Variants in SLIT3 observed in about 807,000 individuals in gnomAD.
SLIT3 encodes slit guidance ligand 3.
In SLIT3, 68 loss-of-function variants were observed where a neutral mutation model predicts 184.0. The ratio of observed to expected loss-of-function variants is 0.37; its 90% CI spans 0.30 to 0.45. The LOEUF (loss-of-function observed/expected upper bound fraction) is 0.45. Among genes scored for constraint, SLIT3 ranks in the 20% least tolerant of loss-of-function variants. SLIT3 has a pLI of 1.00. For missense variants in SLIT3, 1,707 were observed against 2,026.0 expected (o/e 0.84, Z 3.02); for synonymous variants, 831 against 828.6 (o/e 1.00, Z -0.05).
chr5:168,945,796 G>A (rs559161968), intron 4 of SLIT3, among the ~76,000 whole-genome samples: 8 of 152,304 alleles, frequency 5.3e-5, no homozygotes, highest in South Asian at 4.2e-4. Flanking sequence ...GGCAGCCAGC[G>A]TCTTAGGGAA....
intron 4 of SLIT3, among the ~76,000 whole-genome samples, chr5:168,971,677 T>C (rs1484159162): frequency 6.6e-6 from 1 of 152,184 alleles, no homozygotes; most frequent in Admixed American, 6.5e-5. Context: ...TAGAGACAAA[T>C]GCATAAGAAA....
At chr5:168,761,556 G>A (rs1255901289) in intron 15 of SLIT3, among the ~76,000 whole-genome samples, 1 of 152,000 alleles carries the variant, frequency 6.6e-6, no homozygotes, top group East Asian at 1.9e-4. Context: ...ACCACTGTAG[G>A]AGGTAGGCAT....
At chr5:168,738,236 T>G (rs1446472561) in intron 20 of SLIT3, among the ~76,000 whole-genome samples, 5 of 152,182 alleles carry the variant, frequency 3.3e-5, no homozygotes, top group African/African-American at 1.2e-4. Context: ...GGTACAAAAT[T>G]AGTGGAGGGT....
intron 28 of SLIT3, among the ~76,000 whole-genome samples, chr5:168,694,237 GT>G (rs1761987672): frequency 6.6e-6 from 1 of 152,046 alleles, no homozygotes; most frequent in African/African-American, 2.4e-5. Flanking sequence ...TCTAAATTCA[GT>G]TCAAGCCCCT....
rs767775691 is a variant in SLIT3, at chr5:168,762,657, C to T, written c.1492G>A (p.Glu498Lys). 15 of 1,614,036 alleles carry T rather than the reference C, an allele frequency of 9.3e-6. No homozygotes were observed. The highest frequency in any genetic ancestry group is 3.3e-5 in the Admixed American group (2 of 60,024). The part of the protein sequence containing the change: ...SEDYRSRFSS[E>K]CFMDLVCPEK... ...GGGCACACGAGGTCCATGAAGCACT[C>T]GCTGCTGAACCTGCTGCGGTAATCC... The change falls in exon 15 of 36, where the codon GAG becomes AAG. Residue 498 changes from glutamate to lysine, a missense_variant. Transcript: ENST00000519560.
intron 5 of SLIT3, among the ~76,000 whole-genome samples, chr5:168,863,583 G>C (rs953855894): frequency 1.1e-4 from 17 of 152,192 alleles, no homozygotes; most frequent in Admixed American, 9.8e-4. Context: ...CAGTTATGGA[G>C]GGTCAACCGT....
chr5:169,260,530 T>C (rs1274269667), intron 1 of SLIT3, among the ~76,000 whole-genome samples: 2 of 152,218 alleles, frequency 1.3e-5, no homozygotes, highest in Non-Finnish European at 2.9e-5. Context: ...GTCCATTTCT[T>C]GGTTCCAGGA....
intron 23 of SLIT3, chr5:168,720,456 T>C (rs1581002776): frequency 6.6e-6 from 1 of 152,298 alleles, no homozygotes; most frequent in South Asian, 2.1e-4. Flanking sequence ...ACATCACTAC[T>C]CTAATTATGA....
At chr5:168,693,461 G>A (rs562539679) in intron 28 of SLIT3, among the ~76,000 whole-genome samples, 4 of 152,344 alleles carry the variant, frequency 2.6e-5, no homozygotes, top group Non-Finnish European at 4.4e-5. Context: ...TTGCAGATAA[G>A]CCCTGAAAAG....
At chr5:169,034,819 T>A (rs540039445) in intron 4 of SLIT3, among the ~76,000 whole-genome samples, 2 of 151,724 alleles carry the variant, frequency 1.3e-5, no homozygotes, top group African/African-American at 2.4e-5. Flanking sequence ...AATCACTGCT[T>A]ACTGCAGCCT....
At chr5:169,010,392 ATGG>A (rs1365007972) in intron 4 of SLIT3, among the ~76,000 whole-genome samples, 2 of 152,142 alleles carry the variant, frequency 1.3e-5, no homozygotes, top group Admixed American at 6.5e-5. Context: ...GATTTTGACC[ATGG>A]TTTCCTGGAT....
chr5:168,886,435 T>C (rs941956212), intron 4 of SLIT3, among the ~76,000 whole-genome samples: 7 of 152,204 alleles, frequency 4.6e-5, no homozygotes, highest in Admixed American at 2.6e-4. Flanking sequence ...CATTAAGTAC[T>C]ATCCTCGAGA....
chr5:168,884,952 C>T lies in SLIT3; in HGVS notation c.414-1616G>A, dbSNP rs1030803443. Among the ~76,000 whole-genome samples, 23 of 152,136 alleles carry T rather than the reference C, an allele frequency of 1.5e-4. 1 individual carries two copies. Among genetic ancestry groups the T allele is most frequent in the Admixed American group, 2.6e-4 (4 of 15,284 alleles). ...ACTCCATGCTGATTTTCCAAGGGCA[C>T]CTAATCAAAAGCTTTAGATGACTCC... On this transcript the variant is annotated intron_variant, in intron 4 of 35. Coordinates refer to ENST00000519560, the MANE Select transcript of SLIT3 (RefSeq NM_003062.4).
intron 4 of SLIT3, among the ~76,000 whole-genome samples, chr5:169,043,908 A>C (rs927220995): frequency 1.3e-5 from 2 of 152,234 alleles, no homozygotes; most frequent in Non-Finnish European, 2.9e-5. Flanking sequence ...GGTCAAGTCA[A>C]CAGTAAGAAT....
At chr5:168,767,040 C>T (rs11744741) in intron 14 of SLIT3, among the ~76,000 whole-genome samples, 6,685 of 152,318 alleles carry the variant, frequency 0.044, 208 homozygotes, top group Non-Finnish European at 0.066. Context: ...GGTAAGTTAG[C>T]TAACCTCTCT....
rs562559198 is a variant in SLIT3, at chr5:169,252,073, C to T, written c.198-614G>A. Among the ~76,000 whole-genome samples the T allele has an allele frequency of 3.9e-5, 6 of 152,270 alleles. No individual in the cohort carries two copies. The Middle Eastern group carries it at 0.01, about 259-fold the overall frequency. On this transcript the variant is annotated intron_variant, in intron 1 of 35. Transcript: ENST00000519560. ...CATCTCTCCTATATTTTGATTTAAA[C>T]CAGTTTGAGTTGAATTTTCTATCAC...
intron 9 of SLIT3, among the ~76,000 whole-genome samples, chr5:168,800,081 C>T (rs561289005): frequency 1.5e-4 from 23 of 152,260 alleles, no homozygotes; most frequent in South Asian, 8.3e-4. Context: ...GGAAGGAAGC[C>T]CCATGTTTAT....
chr5:169,111,656 G>A (rs1760413975), intron 4 of SLIT3, among the ~76,000 whole-genome samples: 2 of 152,206 alleles, frequency 1.3e-5, no homozygotes, highest in South Asian at 4.1e-4. Flanking sequence ...GGAGGCTGAG[G>A]CAGGAGAATT....
At chr5:169,237,549 C>T (rs1043468905) in intron 3 of SLIT3, among the ~76,000 whole-genome samples, 5 of 152,202 alleles carry the variant, frequency 3.3e-5, no homozygotes, top group African/African-American at 4.8e-5. Context: ...GTTCCTGTTA[C>T]TCCACCTCAC....
Sources: gnomAD v4.1 joint callset for allele counts (sites outside exome capture counted in the v4.1 genomes callset) on GRCh38, gnomAD v4.1.1 for gene constraint, MANE v1.5 for transcripts, NCBI Gene and HGNC (gene_info 2026-07-23, HGNC 2026-07-21) for gene names.